TMCC3: variants seen among roughly 807,000 people sequenced by gnomAD.
The protein encoded by TMCC3 is transmembrane and coiled-coil domain protein 3.
In TMCC3, 28 loss-of-function variants were observed where a neutral mutation model predicts 40.2. That is an observed-to-expected ratio of 0.70 (90% CI 0.52 to 0.95). The LOEUF is 0.95. Ranked by LOEUF, TMCC3 falls within the 40% of genes least tolerant of loss-of-function variation. TMCC3 has a pLI of 0.00. For missense variants in TMCC3, 554 were observed against 615.2 expected, an observed-to-expected ratio of 0.90 and a Z score of 1.05; for synonymous variants, 255 against 248.5, an observed-to-expected ratio of 1.03 and a Z score of -0.25.
chr12:94,597,117 T>TAAAAAAAAA (rs1265233755), intron 1 of TMCC3, among the ~76,000 whole-genome samples: 7 of 79,294 alleles, frequency 8.8e-5, no homozygotes, highest in African/African-American at 3.6e-4. Flanking sequence ...CTGTCTCTAT[T>TAAAAAAAAA]AAAATACATA....
chr12:94,602,542 A>G (rs918640295), intron 1 of TMCC3, among the ~76,000 whole-genome samples: 1 of 152,242 alleles, frequency 6.6e-6, no homozygotes, highest in Non-Finnish European at 1.5e-5. Context: ...CACTAAGGGA[A>G]GTATTCTAGA....
At chr12:94,648,220 T>TTTTATTTATTTATTTATTTATTTA (rs201121413) in intron 1 of TMCC3, among the ~76,000 whole-genome samples, 1 of 149,528 alleles carries the variant, frequency 6.7e-6, no homozygotes, top group African/African-American at 2.5e-5. Flanking sequence ...AGTAGAATTG[T>TTTTATTTATTTATTTATTTATTTA]TTTATTTATT....
chr12:94,627,220 G>GT (rs1334052302), intron 1 of TMCC3, among the ~76,000 whole-genome samples: 1 of 152,138 alleles, frequency 6.6e-6, no homozygotes, highest in African/African-American at 2.4e-5. Flanking sequence ...CATACAGCTT[G>GT]TAAGAGCCAG....
At chr12:94,585,532 T>C (rs1297223893) in intron 1 of TMCC3, among the ~76,000 whole-genome samples, 1 of 151,896 alleles carries the variant, frequency 6.6e-6, no homozygotes, top group East Asian at 1.9e-4. Context: ...CTGTCTCTAC[T>C]AAAAATACAA....
chr12:94,593,757 G>A (rs181849442), intron 1 of TMCC3, among the ~76,000 whole-genome samples: 1 of 152,134 alleles, frequency 6.6e-6, no homozygotes, highest in Non-Finnish European at 1.5e-5. Context: ...TGAGTTACAC[G>A]CACTTAAAAA....
At chr12:94,592,237 G>A (rs12830335) in intron 1 of TMCC3, among the ~76,000 whole-genome samples, 96,790 of 151,946 alleles carry the variant, frequency 0.64, 30,871 homozygotes, top group Admixed American at 0.67. Flanking sequence ...AGTGCACCGT[G>A]TACAGCACGG....
At chr12:94,619,110 A>G (rs577818485) in intron 1 of TMCC3, among the ~76,000 whole-genome samples, 64 of 152,296 alleles carry the variant, frequency 4.2e-4, no homozygotes, top group Middle Eastern at 3.4e-3. Context: ...TGACTTTGAC[A>G]TATGCATTAC....
At chr12:94,649,216 C>T (rs1181874039) in intron 1 of TMCC3, among the ~76,000 whole-genome samples, 1 of 152,214 alleles carries the variant, frequency 6.6e-6, no homozygotes, top group Non-Finnish European at 1.5e-5. Context: ...AAACCAGAGA[C>T]TCATTGCTTC....
At chr12:94,590,868 G>T in intron 1 of TMCC3, 1 of 566,130 alleles carries the variant, frequency 1.8e-6, no homozygotes, top group Non-Finnish European at 3.5e-6. Flanking sequence ...CTGGAGAGGA[G>T]CCCCTGGATG....
At chr12:94,597,828 TAAAAA>T (rs2068728080) in intron 1 of TMCC3, among the ~76,000 whole-genome samples, 1 of 151,872 alleles carries the variant, frequency 6.6e-6, no homozygotes, top group South Asian at 2.1e-4. Flanking sequence ...AAATAAATAA[TAAAAA>T]TAAAATAATT....
intron 1 of TMCC3, among the ~76,000 whole-genome samples, chr12:94,640,040 A>T (rs2068981270): frequency 6.6e-6 from 1 of 152,246 alleles, no homozygotes; most frequent in African/African-American, 2.4e-5. Context: ...AGGTGACATA[A>T]GACAAAAGCA....
In TMCC3 at chr12:94,581,501, C is replaced by T. The variant is rs113750081; in HGVS notation, c.995+121G>A. On this transcript the variant is annotated intron_variant, in intron 2 of 3. Coordinates refer to ENST00000261226, the MANE Select transcript of TMCC3 (RefSeq NM_020698.4). ...TTTTAAAAGAATGCCACACCTATCA[C>T]GTACCCACTAAGTATCCGTGGTAAT... is the stretch of plus-strand genomic sequence containing the variant. 2.2e-3 allele frequency: 1,249 copies of T among 572,788 alleles called. 19 individuals are homozygous for T. The African/African-American group carries it at 0.022, about 10-fold the overall frequency. 35.5% of individuals were successfully genotyped at this position (572,788 alleles called of 1,614,324 possible).
At chr12:94,575,235 A>G (rs1374893425) in intron 3 of TMCC3, among the ~76,000 whole-genome samples, 4 of 152,198 alleles carry the variant, frequency 2.6e-5, no homozygotes, top group Non-Finnish European at 5.9e-5. Flanking sequence ...AGAAAAAATG[A>G]TGAAGTCAAA....
intron 1 of TMCC3, among the ~76,000 whole-genome samples, chr12:94,643,196 AAAAG>A (rs1383239954): frequency 1.3e-5 from 2 of 151,956 alleles, no homozygotes; most frequent in Non-Finnish European, 2.9e-5. Flanking sequence ...GTCTAAAAAA[AAAAG>A]AAAGTCAACC....
intron 1 of TMCC3, among the ~76,000 whole-genome samples, chr12:94,590,647 G>A (rs2068668277): frequency 6.6e-6 from 1 of 152,174 alleles, no homozygotes; most frequent in African/African-American, 2.4e-5. Context: ...TGATACAGCT[G>A]GGAGACCGAT....
chr12:94,648,030 G>A (rs770346151), intron 1 of TMCC3, among the ~76,000 whole-genome samples: 1 of 152,010 alleles, frequency 6.6e-6, no homozygotes, highest in Non-Finnish European at 1.5e-5. Flanking sequence ...TTGTGATTAC[G>A]GTCTGCTGAA....
At chr12:94,572,797 A>G (rs963167812) in intron 3 of TMCC3, among the ~76,000 whole-genome samples, 1 of 151,946 alleles carries the variant, frequency 6.6e-6, no homozygotes, top group African/African-American at 2.4e-5. Context: ...CATCAGTTAG[A>G]GATTGGCGGA....
Position 94,571,535 on chromosome 12 carries a change from T to C in TMCC3, c.1334A>G (p.His445Arg), listed in dbSNP as rs780322240. 1 of 1,614,180 alleles carries C rather than the reference T, an allele frequency of 6.2e-7. No homozygotes were observed. The highest frequency in any genetic ancestry group is 2.2e-5 in the East Asian group (1 of 44,888). ...CACGGCAAAGAAGGTGCCAAGAATG[T>C]GGCAGCGACTCTTCATCATGGGTGA... ...FVSPMMKSRC[H>R]ILGTFFAVTL... Residue 445 changes from histidine (H) to arginine (R), a missense_variant, in exon 4 of 4, where the codon CAC (histidine) becomes CGC (arginine). His to Arg is a conservative substitution (Grantham distance 29, BLOSUM62 0). Transcript: ENST00000261226.
rs1445301325 is a variant in TMCC3 at position 94,569,936 on chromosome 12, T to TCTTCCTC, written c.*1492_*1498dup. 51 of 152,234 alleles carry TCTTCCTC rather than the reference T, an allele frequency of 3.4e-4. 1 individual carries two copies. Among genetic ancestry groups the TCTTCCTC allele is most frequent in the African/African-American group, 1.2e-3 (49 of 41,452 alleles). 9.4% of individuals were successfully genotyped at this position (152,234 alleles called of 1,614,324 possible). On this transcript the variant is annotated 3_prime_UTR_variant, in exon 4 of 4. Transcript: ENST00000261226. ...GCAGTTTCCATGAACATTGTTTCCA[T>TCTTCCTC]CTTCCTCTTTGTTATACACACAGAG... is the stretch of plus-strand genomic sequence containing the variant.
Sources: gnomAD v4.1 joint callset for allele counts (sites outside exome capture counted in the v4.1 genomes callset) on GRCh38, gnomAD v4.1.1 for gene constraint, MANE v1.5 for transcripts, NCBI Gene and HGNC (gene_info 2026-07-23, HGNC 2026-07-21) for gene names.